Variants in ADGRB3 observed in about 807,000 individuals in gnomAD.
ADGRB3 encodes adhesion G protein-coupled receptor B3.
A neutral mutation model predicts 193.4 loss-of-function variants in ADGRB3; 37 were observed. The ratio of observed to expected loss-of-function variants is 0.19; its 90% CI spans 0.15 to 0.25. ADGRB3 has a LOEUF of 0.25. Among genes scored for constraint, ADGRB3 ranks in the 10% least tolerant of loss-of-function variants. The pLI, the probability that ADGRB3 is intolerant of heterozygous loss-of-function variation, is 1.00. For synonymous variants in ADGRB3, 690 were observed against 644.2 expected, an observed-to-expected ratio of 1.07 and a Z score of -1.08; for missense variants, 1,637 against 1,852.9, an observed-to-expected ratio of 0.88 and a Z score of 2.14.
At chr6:69,342,518 T>A (rs1193750175) in intron 26 of ADGRB3, among the ~76,000 whole-genome samples, 1 of 152,124 alleles carries the variant, frequency 6.6e-6, no homozygotes, top group Non-Finnish European at 1.5e-5. Context: ...GGAGGCCTCA[T>A]TTGGAACACC....
rs192786333 is a variant in ADGRB3, at chr6:69,110,248, G to A, written c.2480+34210G>A. On this transcript the variant is annotated intron_variant, in intron 17 of 31. Transcript: ENST00000370598. The stretch of plus-strand genomic sequence containing the variant: ...GGCATGATGTTATTTTTTTAAATCA[G>A]ATGAACTATTATTATATTTTTGAGG... Among the ~76,000 whole-genome samples, 266 of 152,094 alleles carry A rather than the reference G, an allele frequency of 1.7e-3. 2 individuals carry two copies. Among genetic ancestry groups the A allele is most frequent in the Non-Finnish European group, 2.2e-3 (151 of 67,986 alleles).
intron 3 of ADGRB3, among the ~76,000 whole-genome samples, chr6:68,816,239 T>C (rs1414043569): frequency 6.6e-6 from 1 of 152,060 alleles, no homozygotes; most frequent in Non-Finnish European, 1.5e-5. Context: ...CCTACAAATA[T>C]TTAGTTTGGA....
intron 8 of ADGRB3, among the ~76,000 whole-genome samples, chr6:68,973,729 A>T (rs995521248): frequency 6.6e-6 from 1 of 152,188 alleles, no homozygotes; most frequent in African/African-American, 2.4e-5. Flanking sequence ...CCCAAACAAG[A>T]TCCCTAGCAA....
chr6:69,299,754 T>C (rs562569063), intron 20 of ADGRB3, among the ~76,000 whole-genome samples: 10 of 152,074 alleles, frequency 6.6e-5, no homozygotes, highest in African/African-American at 2.4e-4. Flanking sequence ...TCTGTATTTA[T>C]GTCAGTACTA....
chr6:69,145,773 C>T (rs1380188737), intron 17 of ADGRB3, among the ~76,000 whole-genome samples: 1 of 151,802 alleles, frequency 6.6e-6, no homozygotes, highest in African/African-American at 2.4e-5. Context: ...GAGTCGGTAG[C>T]TCCTCTCTGC....
At chr6:69,218,180 T>G (rs1345004960) in intron 17 of ADGRB3, among the ~76,000 whole-genome samples, 1 of 152,070 alleles carries the variant, frequency 6.6e-6, no homozygotes, top group African/African-American at 2.4e-5. Context: ...TCCTCCAAAG[T>G]GGTCTATAAG....
intron 3 of ADGRB3, among the ~76,000 whole-genome samples, chr6:68,707,816 C>T (rs1017427574): frequency 2.6e-5 from 4 of 152,128 alleles, no homozygotes; most frequent in Non-Finnish European, 5.9e-5. Flanking sequence ...CCAGTCTCTG[C>T]TCAGAGACTC....
chr6:69,042,290 T>G (rs937685061), intron 13 of ADGRB3, among the ~76,000 whole-genome samples: 3 of 152,178 alleles, frequency 2.0e-5, no homozygotes, highest in Admixed American at 6.5e-5. Context: ...AACAGCCTAA[T>G]ACACTAAGAT....
At chr6:68,996,294 C>T (rs1769380332) in intron 11 of ADGRB3, among the ~76,000 whole-genome samples, 1 of 152,120 alleles carries the variant, frequency 6.6e-6, no homozygotes, top group South Asian at 2.1e-4. Flanking sequence ...CTAATTACCT[C>T]AGCCTACATG....
intron 11 of ADGRB3, among the ~76,000 whole-genome samples, chr6:69,006,514 T>TC (rs2150281763): frequency 6.7e-6 from 1 of 148,824 alleles, no homozygotes; most frequent in South Asian, 2.1e-4. Flanking sequence ...TTTTTTTTTC[T>TC]TTTTTTTTTA....
intron 3 of ADGRB3, among the ~76,000 whole-genome samples, chr6:68,713,200 G>A (rs1490960421): frequency 1.3e-5 from 2 of 151,846 alleles, no homozygotes; most frequent in East Asian, 1.9e-4. Context: ...TAAAATGGCT[G>A]AGAGATCAAT....
At chr6:68,706,376 C>A (rs763769897) in intron 3 of ADGRB3, among the ~76,000 whole-genome samples, 4 of 152,154 alleles carry the variant, frequency 2.6e-5, no homozygotes, top group Non-Finnish European at 5.9e-5. Context: ...ATTAAAGCAG[C>A]ACACATTCCT....
chr6:69,254,281 T>G (rs2127268486), intron 20 of ADGRB3, among the ~76,000 whole-genome samples: 1 of 152,304 alleles, frequency 6.6e-6, no homozygotes. Context: ...CAGTTGCTCT[T>G]TTGCCTATTA....
At chr6:68,642,917 A>G (rs753117239) in intron 3 of ADGRB3, among the ~76,000 whole-genome samples, 16 of 152,146 alleles carry the variant, frequency 1.1e-4, no homozygotes, top group Non-Finnish European at 1.2e-4. Context: ...GGTCTTTACT[A>G]TAGTTTATAG....
chr6:68,723,039 A>G (rs994394454), intron 3 of ADGRB3, among the ~76,000 whole-genome samples: 1 of 151,768 alleles, frequency 6.6e-6, no homozygotes, highest in African/African-American at 2.4e-5. Context: ...GGACATGGCT[A>G]TATTCATATC....
chr6:69,333,113 T>G (rs1049802506), intron 24 of ADGRB3, 105 bp downstream of exon 24: 1 of 834,082 alleles, frequency 1.2e-6, no homozygotes, highest in Non-Finnish European at 1.7e-6. Context: ...ATTTTGTTAT[T>G]GATGTACTAG....
chr6:68,918,149 T>A (rs1415729656), intron 3 of ADGRB3, among the ~76,000 whole-genome samples: 1 of 152,172 alleles, frequency 6.6e-6, no homozygotes, highest in Non-Finnish European at 1.5e-5. Flanking sequence ...AAAATTGTAA[T>A]GACTTCTACT....
intron 4 of ADGRB3, 54 bp downstream of exon 4, chr6:68,930,723 T>C (rs1320556806): frequency 7.8e-7 from 1 of 1,274,584 alleles, no homozygotes; most frequent in African/African-American, 1.5e-5. Flanking sequence ...ATGAAACCAC[T>C]GCATGTTTTC....
intron 17 of ADGRB3, among the ~76,000 whole-genome samples, chr6:69,210,451 C>T (rs751318825): frequency 9.9e-5 from 15 of 152,014 alleles, no homozygotes; most frequent in South Asian, 4.1e-4. Context: ...TCCCCGCCTA[C>T]GGACTCAAAT....
Sources: allele counts gnomAD v4.1 joint callset (sites outside exome capture counted in the v4.1 genomes callset), GRCh38; gene constraint gnomAD v4.1.1; transcripts MANE v1.5; gene names NCBI Gene and HGNC (gene_info 2026-07-23, HGNC 2026-07-21).